Variants in MAP4K3 observed in about 807,000 individuals in gnomAD.
MAP4K3 encodes the protein mitogen-activated protein kinase kinase kinase kinase 3, also known as MAPK/ERK kinase kinase kinase 3.
Under a neutral mutation model 143.5 loss-of-function variants are expected in MAP4K3, and 94 were observed. The observed-to-expected ratio is 0.65, with a 90% confidence interval of 0.55 to 0.78. The LOEUF (loss-of-function observed/expected upper bound fraction) is 0.78. Among genes scored for constraint, MAP4K3 ranks in the 30% least tolerant of loss-of-function variants. The probability of loss-of-function intolerance (pLI) is 0.00; values close to 1 mark genes in which losing one functional copy is unlikely to be tolerated. For missense variants in MAP4K3, 1,077 were observed against 1,068.1 expected, an observed-to-expected ratio of 1.01 and a Z score of -0.12; for synonymous variants, 416 against 347.2, an observed-to-expected ratio of 1.20 and a Z score of -2.20.
chr2:39,404,148 T>A (rs1456223532), intron 1 of MAP4K3, among the ~76,000 whole-genome samples: 1 of 152,010 alleles, frequency 6.6e-6, no homozygotes, highest in Non-Finnish European at 1.5e-5. Context: ...AACCAGCGCA[T>A]GCCCAGTTGT....
chr2:39,346,434 A>T (rs764414517), intron 3 of MAP4K3, among the ~76,000 whole-genome samples: 1 of 152,214 alleles, frequency 6.6e-6, no homozygotes, highest in Non-Finnish European at 1.5e-5. Context: ...AAAAAAAAAT[A>T]GTAGTTTTGA....
chr2:39,401,330 C>T (rs191749710), intron 1 of MAP4K3, among the ~76,000 whole-genome samples: 11 of 152,206 alleles, frequency 7.2e-5, no homozygotes, highest in Admixed American at 4.6e-4. Flanking sequence ...AGAGAGAGAA[C>T]AATTACCAAA....
At chr2:39,416,489 T>C (rs1667386274) in intron 1 of MAP4K3, among the ~76,000 whole-genome samples, 1 of 152,168 alleles carries the variant, frequency 6.6e-6, no homozygotes, top group Non-Finnish European at 1.5e-5. Context: ...TCATCATGGA[T>C]TGGTTTAAGG....
chr2:39,291,698 C>T (rs1199369967), intron 18 of MAP4K3, among the ~76,000 whole-genome samples: 2 of 152,118 alleles, frequency 1.3e-5, no homozygotes. Flanking sequence ...CCAGCCTGGA[C>T]AACATGGTGG....
intron 2 of MAP4K3, among the ~76,000 whole-genome samples, chr2:39,363,646 G>A (rs1271119207): frequency 8.6e-6 from 1 of 116,210 alleles, no homozygotes; most frequent in African/African-American, 3.2e-5. Context: ...TCTAGCTTGG[G>A]CAATAGAGTG....
chr2:39,336,532 T>A (rs919878655), intron 6 of MAP4K3, among the ~76,000 whole-genome samples: 3 of 141,248 alleles, frequency 2.1e-5, no homozygotes, highest in African/African-American at 7.8e-5. Flanking sequence ...GGTCAATTTA[T>A]CCATTTTGAT....
At chr2:39,423,913 A>G (rs1664974635) in intron 1 of MAP4K3, among the ~76,000 whole-genome samples, 1 of 152,254 alleles carries the variant, frequency 6.6e-6, no homozygotes, top group South Asian at 2.1e-4. Flanking sequence ...ATGAACTTTA[A>G]TTAACATAAT....
chr2:39,271,050 G>C (rs1052822735), intron 26 of MAP4K3, among the ~76,000 whole-genome samples: 1 of 151,894 alleles, frequency 6.6e-6, no homozygotes, highest in African/African-American at 2.4e-5. Context: ...ATGGGGAAAG[G>C]TTGTATAATT....
chr2:39,334,958 T>C (rs189412119), intron 6 of MAP4K3, among the ~76,000 whole-genome samples: 1 of 151,958 alleles, frequency 6.6e-6, no homozygotes. Context: ...GAGATCTGGG[T>C]GAAGTAAGGG....
intron 16 of MAP4K3, 144 bp from the exon 17 acceptor site, chr2:39,293,412 C>T (rs1315802448): frequency 1.7e-6 from 1 of 587,828 alleles, no homozygotes; most frequent in East Asian, 3.1e-5. Context: ...TAGTGATCAC[C>T]TCTGCAACCA....
chr2:39,432,500 A>G (rs1170457177), intron 1 of MAP4K3, among the ~76,000 whole-genome samples: 1 of 152,258 alleles, frequency 6.6e-6, no homozygotes, highest in Non-Finnish European at 1.5e-5. Flanking sequence ...ATTAGAGTCT[A>G]TCCTAAATGG....
At chr2:39,265,701 G>A (rs948805053) in intron 27 of MAP4K3, among the ~76,000 whole-genome samples, 4 of 152,112 alleles carry the variant, frequency 2.6e-5, no homozygotes, top group Non-Finnish European at 5.9e-5. Context: ...GGTTCACAAG[G>A]TGCTTTTGGT....
intron 1 of MAP4K3, among the ~76,000 whole-genome samples, chr2:39,421,481 T>C (rs1572511062): frequency 6.6e-6 from 1 of 151,670 alleles, no homozygotes; most frequent in East Asian, 1.9e-4. Context: ...AAAGTGCTGG[T>C]ATTCCAGAGG....
intron 1 of MAP4K3, among the ~76,000 whole-genome samples, chr2:39,396,229 T>TG (rs1666801320): frequency 1.3e-5 from 2 of 150,914 alleles, no homozygotes; most frequent in African/African-American, 4.9e-5. Flanking sequence ...AATGTAGAAA[T>TG]GGGGTCTCAC....
At chr2:39,322,592 ATGTGTGTGTGTG>A (rs71752304) in intron 12 of MAP4K3, among the ~76,000 whole-genome samples, 1 of 144,720 alleles carries the variant, frequency 6.9e-6, no homozygotes, top group Non-Finnish European at 1.5e-5. Flanking sequence ...GATGTGGTAT[ATGTGTGTGTGTG>A]TGTGTGTGTG....
At chr2:39,359,356 C>T (rs182126728) in intron 2 of MAP4K3, among the ~76,000 whole-genome samples, 14 of 152,340 alleles carry the variant, frequency 9.2e-5, no homozygotes, top group Non-Finnish European at 1.5e-4. Context: ...AAGAGGTGGA[C>T]TCCCATGGCC....
intron 8 of MAP4K3, among the ~76,000 whole-genome samples, chr2:39,326,780 T>G (rs961113664): frequency 1.3e-5 from 2 of 152,132 alleles, no homozygotes; most frequent in Admixed American, 6.6e-5. Context: ...TATGCTTTTC[T>G]CATGATAGTG....
intron 12 of MAP4K3, among the ~76,000 whole-genome samples, chr2:39,322,613 T>TGTGTGTGC (rs1683346221): frequency 6.6e-6 from 1 of 150,770 alleles, no homozygotes; most frequent in Non-Finnish European, 1.5e-5. Flanking sequence ...TGTGTGTGTG[T>TGTGTGTGC]GTGTATATAT....
chr2:39,360,521 C>G (rs1453565411), intron 2 of MAP4K3, among the ~76,000 whole-genome samples: 1 of 152,186 alleles, frequency 6.6e-6, no homozygotes, highest in African/African-American at 2.4e-5. Context: ...TCCAGATTTT[C>G]AGGTATCTTT....
Sources: allele counts gnomAD v4.1 joint callset (sites outside exome capture counted in the v4.1 genomes callset), GRCh38; gene constraint gnomAD v4.1.1; transcripts MANE v1.5; gene names NCBI Gene and HGNC (gene_info 2026-07-23, HGNC 2026-07-21).